The following NBAS variants were observed in gnomAD, a reference collection of about 807,000 sequenced individuals.
The protein encoded by NBAS is NBAS subunit of NRZ tethering complex.
In NBAS, 219 loss-of-function variants were observed where a neutral mutation model predicts 302.5. The observed-to-expected ratio is 0.72, with a 90% CI of 0.65 to 0.81. The LOEUF (loss-of-function observed/expected upper bound fraction) is 0.81, where lower values mean the gene tolerates loss of function less well. NBAS is among the 30% of genes least tolerant of loss of function. The probability of loss-of-function intolerance (pLI) is 0.00; values close to 1 mark genes in which losing one functional copy is unlikely to be tolerated. For synonymous variants in NBAS, 1,118 were observed against 1,021.6 expected, an observed-to-expected ratio of 1.09 and a Z score of -1.80; for missense variants, 2,932 against 2,841.6, an observed-to-expected ratio of 1.03 and a Z score of -0.72.
rs573038408 is a variant in NBAS at position 15,267,326 on chromosome 2, G to A, written c.5724+8158C>T. Among the ~76,000 whole-genome samples the A allele has an allele frequency of 3.3e-5, 5 of 152,232 alleles. No homozygotes were observed. In the South Asian group the frequency reaches 1.0e-3, roughly 32 times the overall value. ...ATTTGGAACAAATAACCTTATTCAGGCCAGAATCAAAGGAGTCAAACAACT... is the reference window on the plus strand; with the variant it reads ...ATTTGGAACAAATAACCTTATTCAGACCAGAATCAAAGGAGTCAAACAACT... On this transcript the variant is annotated intron_variant, in intron 44 of 51. Coordinates refer to ENST00000281513, the MANE Select transcript of NBAS (RefSeq NM_015909.4).
chr2:15,016,402 T>C, the NBAS span, among the ~76,000 whole-genome samples: 36 of 152,062 alleles, frequency 2.4e-4, no homozygotes, highest in African/African-American at 8.2e-4. Context: ...TATCATCTTG[T>C]AATAAATATA....
chr2:15,294,876 T>C (rs1034515775), intron 40 of NBAS, among the ~76,000 whole-genome samples: 1 of 152,198 alleles, frequency 6.6e-6, no homozygotes, highest in African/African-American at 2.4e-5. Context: ...TATTCTCACC[T>C]GGTGCTTTCA....
In NBAS at chr2:15,561,225, A is replaced by G; in HGVS notation, c.80T>C (p.Leu27Ser). ...GEEETILYDL[L>S]VNTEWPPETE... ...CTCCGGTGGCCACTCGGTGTTGACCAACAAGTCATAGAGAATCGTCTCCTC... is the reference window on the plus strand; with the variant it reads ...CTCCGGTGGCCACTCGGTGTTGACCGACAAGTCATAGAGAATCGTCTCCTC... Residue 27 changes from leucine (L) to serine (S), a missense_variant, in exon 1 of 52, where the codon TTG becomes TCG. Leu to Ser is a moderately radical substitution (Grantham distance 145). Coordinates refer to ENST00000281513, the MANE Select transcript of NBAS (RefSeq NM_015909.4). 3.1e-6 allele frequency: 5 copies of G among 1,613,992 alleles called. No individual in the cohort carries two copies. Among genetic ancestry groups the G allele is most frequent in the Non-Finnish European group, 4.2e-6 (5 of 1,180,024 alleles).
At chr2:15,256,325 T>TA in intron 44 of NBAS, among the ~76,000 whole-genome samples, 1 of 152,190 alleles carries the variant, frequency 6.6e-6, no homozygotes, top group East Asian at 1.9e-4. Flanking sequence ...GCAGCTGTTG[T>TA]AAAAAAGGTT....
chr2:14,880,830 G>A, the NBAS span, among the ~76,000 whole-genome samples: 2 of 151,146 alleles, frequency 1.3e-5, no homozygotes, highest in African/African-American at 4.9e-5. Context: ...TGTACCTTGG[G>A]AAAAATTTAC....
intron 16 of NBAS, among the ~76,000 whole-genome samples, chr2:15,471,940 CAT>C (rs1679975245): frequency 6.6e-6 from 1 of 152,202 alleles, no homozygotes. Context: ...GTTGAAACCA[CAT>C]AGTCTGATAT....
At position 15,463,788 on chromosome 2, in the gene NBAS, C is replaced by CAAAAAAAAAAAAAAA. The variant is rs55808465; in HGVS notation, c.2098-2012_2098-1998dup. On this transcript the variant is annotated intron_variant, in intron 19 of 51. Coordinates refer to ENST00000281513, the MANE Select transcript of NBAS (RefSeq NM_015909.4). ...AATCCTCATTCAAATGAACCAAATG[C>CAAAAAAAAAAAAAAA]AAAAAAAAAAAAAAAAAGCACCAGG... Among the ~76,000 whole-genome samples the CAAAAAAAAAAAAAAA allele has an allele frequency of 9.3e-4, 85 of 91,614 alleles. 2 individuals are homozygous for CAAAAAAAAAAAAAAA. The highest frequency in any genetic ancestry group is 3.6e-3 in the African/African-American group (82 of 23,006). 60.1% of individuals were successfully genotyped at this position (91,614 alleles called of 152,430 possible).
intron 10 of NBAS, among the ~76,000 whole-genome samples, chr2:15,510,677 G>A (rs1662095141): frequency 6.6e-6 from 1 of 152,180 alleles, no homozygotes; most frequent in South Asian, 2.1e-4. Context: ...CAATAAGTAA[G>A]TATAGAATGA....
chr2:14,790,798 T>A, the NBAS span, among the ~76,000 whole-genome samples: 2 of 152,082 alleles, frequency 1.3e-5, no homozygotes, highest in Non-Finnish European at 2.9e-5. Context: ...ATTACAGGCA[T>A]GTGCCACCAC....
chr2:15,255,673 T>C (rs1348985852), intron 44 of NBAS, among the ~76,000 whole-genome samples: 2 of 152,334 alleles, frequency 1.3e-5, no homozygotes, highest in East Asian at 3.9e-4. Flanking sequence ...AGAATTTTTA[T>C]GCTTCAGGTG....
rs183940473 is a variant in NBAS, at chr2:15,501,579, T to G, written c.954+2566A>C. On this transcript the variant is annotated intron_variant, in intron 11 of 51. Coordinates refer to ENST00000281513, the MANE Select transcript of NBAS (RefSeq NM_015909.4). The stretch of plus-strand genomic sequence containing the variant: ...TTCATAAGTAAATTTTTAAATGAAC[T>G]AAATATTTTTTTTTTTTTTTTTTTT... Among the ~76,000 whole-genome samples the G allele has an allele frequency of 6.8e-3, 967 of 142,228 alleles. 12 individuals carry two copies. The highest frequency in any genetic ancestry group is 0.022 in the African/African-American group (881 of 39,902). The allele number at this position is 142,228 out of a possible 152,430, so 93.3% of individuals were successfully genotyped here.
intron 9 of NBAS, among the ~76,000 whole-genome samples, chr2:15,512,258 T>A (rs1380865257): frequency 6.6e-6 from 1 of 152,186 alleles, no homozygotes; most frequent in African/African-American, 2.4e-5. Flanking sequence ...TTAAATGTTA[T>A]AAAATAAATA....
At chr2:15,404,000 C>T (rs1475448054) in intron 25 of NBAS, among the ~76,000 whole-genome samples, 1 of 151,502 alleles carries the variant, frequency 6.6e-6, no homozygotes, top group Non-Finnish European at 1.5e-5. Context: ...CTCGACTTCC[C>T]AAAGTGCTGG....
At chr2:15,034,026 AGAGGAGGAG>A in the NBAS span, among the ~76,000 whole-genome samples, 140 of 50,088 alleles carry the variant, frequency 2.8e-3, 3 homozygotes, top group East Asian at 0.011. Context: ...AAGAAGAAGA[AGAGGAGGAG>A]GAAGGAGGAG....
chr2:15,320,647 A>C (rs1396589375), intron 38 of NBAS, among the ~76,000 whole-genome samples: 9 of 152,198 alleles, frequency 5.9e-5, no homozygotes, highest in African/African-American at 2.2e-4. Flanking sequence ...TCCCATTCAC[A>C]ATTGCTACAA....
chr2:14,848,421 G>C, the NBAS span, among the ~76,000 whole-genome samples: 1 of 141,890 alleles, frequency 7.0e-6, no homozygotes, highest in Non-Finnish European at 1.5e-5. Context: ...GGCTCGGAGG[G>C]TCCTACGCCC....
chr2:14,882,152 G>A, the NBAS span, among the ~76,000 whole-genome samples: 1 of 152,108 alleles, frequency 6.6e-6, no homozygotes, highest in Non-Finnish European at 1.5e-5. Flanking sequence ...TCAACACAGT[G>A]TATTAGTCAT....
chr2:15,274,148 T>C (rs1003102867), intron 44 of NBAS, among the ~76,000 whole-genome samples: 3 of 152,194 alleles, frequency 2.0e-5, no homozygotes, highest in African/African-American at 7.2e-5. Flanking sequence ...TTTATAGCAG[T>C]GGTTGTAAAA....
intron 14 of NBAS, 45 bp downstream of exon 14, chr2:15,475,642 G>C (rs775945102): frequency 6.4e-7 from 1 of 1,550,880 alleles, no homozygotes; most frequent in South Asian, 1.1e-5. Context: ...TTAAATTTTT[G>C]GTTAAATACA....
Sources: gnomAD v4.1 joint callset for allele counts (sites outside exome capture counted in the v4.1 genomes callset) on GRCh38, gnomAD v4.1.1 for gene constraint, MANE v1.5 for transcripts, NCBI Gene and HGNC (gene_info 2026-07-23, HGNC 2026-07-21) for gene names.